Variants in KRABD1 observed in about 807,000 individuals in gnomAD.
KRABD1 encodes KRAB domain containing 1.
chr3:42,938,993 GATAC>G, the KRABD1 span: 2 of 1,194,776 alleles, frequency 1.7e-6, no homozygotes, highest in Non-Finnish European at 2.3e-6. Flanking sequence ...GTGTTTATTA[GATAC>G]ATACATAAAA....
chr3:42,942,506 CT>C, the KRABD1 span: 1 of 589,498 alleles, frequency 1.7e-6, no homozygotes, highest in South Asian at 3.6e-5. Flanking sequence ...ATATTTTAAG[CT>C]TACAGTTGTT....
chr3:42,937,078 T>TAAAC, the KRABD1 span: 4 of 152,228 alleles, frequency 2.6e-5, no homozygotes, highest in African/African-American at 9.6e-5. Flanking sequence ...GTCCAGTGTT[T>TAAAC]AACATAGTTT....
the KRABD1 span, among the ~76,000 whole-genome samples, chr3:42,940,691 A>G: frequency 6.6e-6 from 1 of 152,236 alleles, no homozygotes; most frequent in Non-Finnish European, 1.5e-5. Flanking sequence ...CTACCTCTGC[A>G]TGAAGACAGG....
At chr3:42,938,250 A>G in the KRABD1 span, 2 of 152,206 alleles carry the variant, frequency 1.3e-5, no homozygotes, top group Non-Finnish European at 2.9e-5. Context: ...CACTCCAAAC[A>G]CCTTTATAAA....
the KRABD1 span, chr3:42,937,756 T>G: frequency 6.6e-6 from 1 of 152,268 alleles, no homozygotes; most frequent in African/African-American, 2.4e-5. Flanking sequence ...GCTGTTTCTC[T>G]GACACCTTCA....
At chr3:42,938,912 C>G in the KRABD1 span, 1 of 1,532,402 alleles carries the variant, frequency 6.5e-7, no homozygotes, top group South Asian at 1.2e-5. Flanking sequence ...ACAGCTGTGT[C>G]CTTAACAACC....
the KRABD1 span, chr3:42,936,988 T>C: frequency 2.0e-5 from 3 of 152,208 alleles, no homozygotes; most frequent in South Asian, 2.1e-4. Flanking sequence ...TTGGAAAATA[T>C]GGAGCCCTGC....
chr3:42,942,141 G>T, the KRABD1 span: 8 of 1,068,064 alleles, frequency 7.5e-6, no homozygotes, highest in Non-Finnish European at 1.1e-5. Flanking sequence ...AAAATGAAAG[G>T]TGTGTGTTCT....
chr3:42,938,082 A>G, the KRABD1 span: 1 of 152,250 alleles, frequency 6.6e-6, no homozygotes, highest in African/African-American at 2.4e-5. Context: ...CTTCCTAATG[A>G]TGAACTAATT....
At chr3:42,937,721 A>G in the KRABD1 span, 2 of 152,204 alleles carry the variant, frequency 1.3e-5, no homozygotes, top group Non-Finnish European at 2.9e-5. Context: ...AACTTCCAAG[A>G]TGCCTTTTCT....
the KRABD1 span, chr3:42,941,465 C>G: frequency 8.6e-7 from 1 of 1,165,844 alleles, no homozygotes; most frequent in Non-Finnish European, 1.2e-6. Flanking sequence ...ATAGAAAGCC[C>G]TGGTGTCTAT....
the KRABD1 span, among the ~76,000 whole-genome samples, chr3:42,942,372 C>T: frequency 6.6e-6 from 1 of 152,134 alleles, no homozygotes; most frequent in African/African-American, 2.4e-5. Context: ...TCCAGTTTTA[C>T]AAAATTGATA....
the KRABD1 span, among the ~76,000 whole-genome samples, chr3:42,940,484 A>G: frequency 3.3e-5 from 5 of 152,194 alleles, no homozygotes; most frequent in Non-Finnish European, 5.9e-5. Flanking sequence ...CTTGGCTCAT[A>G]GGTTCCCTTA....
chr3:42,941,885 T>G, the KRABD1 span: 4 of 920,622 alleles, frequency 4.3e-6, no homozygotes, highest in Non-Finnish European at 6.8e-6. Context: ...TGCTTGTTCT[T>G]GTAGCCACAG....
chr3:42,939,775 C>G, the KRABD1 span, among the ~76,000 whole-genome samples: 50 of 152,300 alleles, frequency 3.3e-4, no homozygotes, highest in Non-Finnish European at 6.6e-4. Flanking sequence ...CTCTAGTAAG[C>G]AGTGATGCTG....
the KRABD1 span, among the ~76,000 whole-genome samples, chr3:42,940,255 A>G: frequency 6.6e-6 from 1 of 152,154 alleles, no homozygotes; most frequent in Non-Finnish European, 1.5e-5. Flanking sequence ...GAATTGCTCT[A>G]GTTACTTTGT....
chr3:42,939,614 T>G, the KRABD1 span, among the ~76,000 whole-genome samples: 2 of 152,176 alleles, frequency 1.3e-5, no homozygotes, highest in Admixed American at 6.5e-5. Flanking sequence ...TATATACATT[T>G]GGTTAGTTTA....
chr3:42,938,936 G>T, the KRABD1 span: 26 of 1,530,316 alleles, frequency 1.7e-5, no homozygotes, highest in Non-Finnish European at 1.9e-5. Flanking sequence ...CCCCAGGTGA[G>T]CTGTTTTTTT....
At chr3:42,939,012 C>T in the KRABD1 span, 68 of 991,828 alleles carry the variant, frequency 6.9e-5, no homozygotes, top group Non-Finnish European at 9.6e-5. Context: ...ATAAAAATAT[C>T]TATATTACAC....
Sources: allele counts gnomAD v4.1 joint callset (sites outside exome capture counted in the v4.1 genomes callset), GRCh38; gene constraint gnomAD v4.1.1; transcripts MANE v1.5; gene names NCBI Gene and HGNC (gene_info 2026-07-23, HGNC 2026-07-21).